The following SOX5 variants were observed in gnomAD, a reference collection of about 807,000 sequenced individuals.
The protein encoded by SOX5 is SRY-box transcription factor 5, also known as transcription factor SOX-5.
Under a neutral mutation model 92.0 loss-of-function variants are expected in SOX5, and 9 were observed. The ratio of observed to expected loss-of-function variants is 0.10; its 90% CI spans 0.06 to 0.17. The LOEUF is 0.17. SOX5 is among the 10% of genes least tolerant of loss of function. The pLI is 1.00. For synonymous variants in SOX5, 344 were observed against 336.3 expected (o/e 1.02, Z -0.25); for missense variants, 642 against 944.5 (o/e 0.68, Z 4.20).
At position 24,476,838 on chromosome 12, in the gene SOX5, A is replaced by C. The variant is rs368647229; in HGVS notation, c.-251+85491T>G. ...ATAGAGACTGAATAAAGTGATACTG[A>C]AGAACTAGTCTGTGATTCAGTGATT... On this transcript the variant is annotated intron_variant, in intron 1 of 4. Coordinates refer to the SOX5 transcript ENST00000446891. 7.9e-5 allele frequency among the ~76,000 whole-genome samples: 12 copies of C among 152,210 alleles called. 1 individual carries two copies. In the East Asian group the frequency reaches 1.7e-3, roughly 22 times the overall value.
At chr12:23,787,951 GCA>G (rs33988114) in intron 3 of SOX5, among the ~76,000 whole-genome samples, 67,767 of 151,054 alleles carry the variant, frequency 0.45, 15,455 homozygotes, top group East Asian at 0.82. Flanking sequence ...CAGGATCTGA[GCA>G]AAGAGTCTTA....
At chr12:24,519,016 C>T (rs2955488) in intron 1 of SOX5, among the ~76,000 whole-genome samples, 118 of 151,962 alleles carry the variant, frequency 7.8e-4, no homozygotes, top group Middle Eastern at 3.4e-3. Flanking sequence ...AATATAAAAA[C>T]GTTTATTCTT....
chr12:24,552,887 C>G (rs934733302), intron 1 of SOX5, among the ~76,000 whole-genome samples: 3 of 152,118 alleles, frequency 2.0e-5, no homozygotes, highest in African/African-American at 7.2e-5. Flanking sequence ...AGCAAATTAG[C>G]TGGGCATGCT....
At chr12:24,467,016 T>C (rs902602128) in intron 1 of SOX5, among the ~76,000 whole-genome samples, 2 of 152,220 alleles carry the variant, frequency 1.3e-5, no homozygotes, top group African/African-American at 2.4e-5. Context: ...CTCCACTTAA[T>C]TCTCTCATAT....
intron 3 of SOX5, among the ~76,000 whole-genome samples, chr12:23,821,260 T>C (rs572335901): frequency 2.0e-4 from 30 of 152,350 alleles, no homozygotes; most frequent in Middle Eastern, 6.8e-3. Context: ...CTTGTGATTT[T>C]TGTACATTAA....
intron 9 of SOX5, among the ~76,000 whole-genome samples, chr12:23,598,585 G>C (rs1952888988): frequency 6.6e-6 from 1 of 151,648 alleles, no homozygotes; most frequent in Non-Finnish European, 1.5e-5. Flanking sequence ...TTTTTTAGTA[G>C]AGATGGGGTT....
intron 7 of SOX5, among the ~76,000 whole-genome samples, chr12:23,650,213 C>A (rs542292530): frequency 6.6e-6 from 1 of 152,088 alleles, no homozygotes; most frequent in East Asian, 1.9e-4. Flanking sequence ...ATTCTGGAAA[C>A]CTGAAAGAAA....
At chr12:23,739,489 T>C (rs937056295) in intron 5 of SOX5, among the ~76,000 whole-genome samples, 1 of 152,200 alleles carries the variant, frequency 6.6e-6, no homozygotes, top group African/African-American at 2.4e-5. Context: ...TACTTTTCTA[T>C]AGCATTTAAC....
At chr12:24,368,660 C>T (rs1956403450) in intron 1 of SOX5, 1 of 152,104 alleles carries the variant, frequency 6.6e-6, no homozygotes, top group African/African-American at 2.4e-5. Context: ...ACACACACCC[C>T]ATAAATGAGT....
At chr12:24,036,950 ATAACTG>A (rs1956100539) in intron 4 of SOX5, among the ~76,000 whole-genome samples, 2 of 152,152 alleles carry the variant, frequency 1.3e-5, no homozygotes. Context: ...ATTCAGCAGG[ATAACTG>A]TAAGTCTTTG....
intron 1 of SOX5, among the ~76,000 whole-genome samples, chr12:23,918,739 A>G (rs2097446348): frequency 6.6e-6 from 1 of 152,084 alleles, no homozygotes; most frequent in South Asian, 2.1e-4. Flanking sequence ...CAACGTGGTG[A>G]AACCCCGTCT....
chr12:24,226,614 G>C (rs139573458), intron 3 of SOX5, among the ~76,000 whole-genome samples: 2,420 of 152,074 alleles, frequency 0.016, 66 homozygotes, highest in African/African-American at 0.056. Flanking sequence ...GGGATTACAC[G>C]CACCCGCCAC....
At position 23,998,619 on chromosome 12, in the gene SOX5, A is replaced by G. The variant is rs921746614; in HGVS notation, c.-1-102595T>C. On this transcript the variant is annotated intron_variant, in intron 4 of 4. Transcript: ENST00000446891. ...GGAGTTCAAGACCAGCCTGGTCAAT[A>G]TGATGAAACCCCATCTCTACTAAAA... is the stretch of plus-strand genomic sequence containing the variant. Among the ~76,000 whole-genome samples, 3 of 151,908 alleles carry G rather than the reference A, an allele frequency of 2.0e-5. No homozygotes were observed. The East Asian group carries it at 5.8e-4, about 30-fold the overall frequency.
chr12:23,723,577 T>TAC lies in SOX5; in HGVS notation c.810+11106_810+11107insGT, dbSNP rs200646953. On this transcript the variant is annotated intron_variant, in intron 6 of 14. Transcript: ENST00000451604. The stretch of plus-strand genomic sequence containing the variant: ...TTAGAGGAGAAAAATTATATATATA[T>TAC]ATATACACACACACACACACACGCA... Among the ~76,000 whole-genome samples, 590 of 148,312 alleles carry TAC rather than the reference T, an allele frequency of 4.0e-3. 3 individuals are homozygous for TAC. Among genetic ancestry groups the TAC allele is most frequent in the Non-Finnish European group, 5.2e-3 (349 of 67,008 alleles).
intron 4 of SOX5, among the ~76,000 whole-genome samples, chr12:24,098,861 A>G (rs1945740649): frequency 6.6e-6 from 1 of 152,140 alleles, no homozygotes; most frequent in Non-Finnish European, 1.5e-5. Flanking sequence ...ATATGCTCAG[A>G]CTGGCGCTAG....
chr12:24,283,029 C>A (rs1945403799), intron 2 of SOX5, among the ~76,000 whole-genome samples: 1 of 152,138 alleles, frequency 6.6e-6, no homozygotes. Context: ...TAAATATTAA[C>A]TTGTATGTTA....
chr12:24,368,632 C>T (rs945412576), exon 2 of SOX5: 5 of 152,196 alleles, frequency 3.3e-5, no homozygotes, highest in Non-Finnish European at 7.3e-5. Flanking sequence ...CAATGGCCAG[C>T]ACAGCACCTG....
rs1237568589 is a variant in SOX5, at chr12:23,772,232, C to A, written c.482-16508G>T. Among the ~76,000 whole-genome samples, 4 of 152,158 alleles carry A rather than the reference C, an allele frequency of 2.6e-5. No homozygotes were observed. In the East Asian group the frequency reaches 7.7e-4, roughly 29 times the overall value. Reference sequence around the variant, plus strand: ...GAAGACGTTGGCAATTTTTTGATGTCTTCATCTTTGGCCCTTTATTTTTAT... The same window carrying A: ...GAAGACGTTGGCAATTTTTTGATGTATTCATCTTTGGCCCTTTATTTTTAT... On this transcript the variant is annotated intron_variant, in intron 3 of 14. Transcript: ENST00000451604.
chr12:24,367,524 T>C (rs1368056007), intron 2 of SOX5, among the ~76,000 whole-genome samples: 1 of 152,222 alleles, frequency 6.6e-6, no homozygotes, highest in African/African-American at 2.4e-5. Context: ...CTTTCATTTG[T>C]AAATTTATAG....
Sources: gnomAD v4.1 joint callset for allele counts (sites outside exome capture counted in the v4.1 genomes callset) on GRCh38, gnomAD v4.1.1 for gene constraint, MANE v1.5 for transcripts, NCBI Gene and HGNC (gene_info 2026-07-23, HGNC 2026-07-21) for gene names.